SPINK5: variants seen among roughly 807,000 people sequenced by gnomAD.
The protein encoded by SPINK5 is serine protease inhibitor Kazal-type 5.
In SPINK5, 125 loss-of-function variants were observed where a neutral mutation model predicts 151.8. The ratio of observed to expected loss-of-function variants is 0.82; its 90% CI spans 0.71 to 0.96. SPINK5 has a LOEUF of 0.96. Among genes scored for constraint, SPINK5 ranks in the 40% least tolerant of loss-of-function variants. The pLI is 0.00. For missense variants in SPINK5, 1,194 were observed against 1,291.9 expected, an observed-to-expected ratio of 0.92 and a Z score of 1.16; for synonymous variants, 374 against 395.3, an observed-to-expected ratio of 0.95 and a Z score of 0.64.
chr5:148,087,135 G>T (rs1015889885), intron 5 of SPINK5, among the ~76,000 whole-genome samples: 1 of 151,472 alleles, frequency 6.6e-6, no homozygotes, highest in Non-Finnish European at 1.5e-5. Context: ...TGTAATATTA[G>T]AGTAGATAAT....
In SPINK5 at chr5:148,119,995, T is replaced by C; in HGVS notation, c.2314-14T>C. ...AAAAACAGCACTTCCAATATAATCTTCCCATCTTTTCAGGATACATGTGAT... is the reference window on the plus strand; with the variant it reads ...AAAAACAGCACTTCCAATATAATCTCCCCATCTTTTCAGGATACATGTGAT... On this transcript the variant is annotated splice_polypyrimidine_tract_variant and intron_variant, in intron 24 of 32. Transcript: ENST00000256084. The C allele has an allele frequency of 6.2e-7, 1 of 1,613,498 alleles. No individual in the cohort carries two copies. Among genetic ancestry groups the C allele is most frequent in the Non-Finnish European group, 8.5e-7 (1 of 1,179,576 alleles).
chr5:148,136,885 ATG>A (rs1754706887), intron 32 of SPINK5, 96 bp from the exon 33 acceptor site: 82 of 1,462,244 alleles, frequency 5.6e-5, no homozygotes, highest in Non-Finnish European at 7.7e-5. Flanking sequence ...TGCAGGATCT[ATG>A]GATTTCTTTG....
Position 148,131,306 on chromosome 5 carries a change from T to C in SPINK5, c.3012T>C (p.Tyr1004=), listed in dbSNP as rs770022708. The change falls in exon 31 of 33, where the codon TAT becomes TAC. Residue 1004 remains tyrosine (Y), a synonymous_variant. Transcript: ENST00000256084. The part of the protein sequence containing the change: ...KDYRVLPRIG[Y]LCPKDLKPVC... ...ACCGAGTATTGCCCAGGATAGGTTA[T>C]CTTTGTCCAAAGGATTTAAAGCCTG... 1 of 1,613,978 alleles carries C rather than the reference T, an allele frequency of 6.2e-7. No homozygotes were observed. The highest frequency in any genetic ancestry group is 8.5e-7 in the Non-Finnish European group (1 of 1,179,850).
At chr5:148,071,214 T>C (rs1310105073) in intron 3 of SPINK5, among the ~76,000 whole-genome samples, 2 of 152,134 alleles carry the variant, frequency 1.3e-5, no homozygotes, top group East Asian at 3.9e-4. Flanking sequence ...AGCAAGCCAA[T>C]ACTGAGCTTA....
chr5:148,137,021 A>AAAAT lies in SPINK5; in HGVS notation c.*34_*37dup. ...AAGATTGTTGAAAGCCATGAGGGAAAAAATAAACCCCAGTTCTGAATCACC... is the reference window on the plus strand; with the variant it reads ...AAGATTGTTGAAAGCCATGAGGGAAAAAATAAATAAACCCCAGTTCTGAATCACC... On this transcript the variant is annotated 3_prime_UTR_variant, in exon 33 of 33. Coordinates refer to ENST00000256084, the MANE Select transcript of SPINK5 (RefSeq NM_006846.4). 5.0e-6 allele frequency: 8 copies of AAAAT among 1,613,524 alleles called. No homozygotes were observed. The highest frequency in any genetic ancestry group is 6.8e-6 in the Non-Finnish European group (8 of 1,179,544).
At chr5:148,104,567 A>C (rs1380732735) in intron 15 of SPINK5, among the ~76,000 whole-genome samples, 2 of 152,176 alleles carry the variant, frequency 1.3e-5, no homozygotes, top group Admixed American at 6.5e-5. Context: ...TAAATGATCA[A>C]GCTATGAAAG....
chr5:148,108,889 C>A, intron 18 of SPINK5, 52 bp downstream of exon 18: 1 of 1,604,598 alleles, frequency 6.2e-7, no homozygotes, highest in South Asian at 1.1e-5. Context: ...ATCACTCTCC[C>A]TAGGGAGGGC....
At chr5:148,088,918 G>A (rs768765523) in intron 6 of SPINK5, 14 of 470,314 alleles carry the variant, frequency 3.0e-5, no homozygotes, top group East Asian at 1.6e-4. Flanking sequence ...CTTAGCCTGC[G>A]TTAAAACCCC....
chr5:148,111,093 A>C (rs1030407658), intron 18 of SPINK5, among the ~76,000 whole-genome samples: 5 of 152,030 alleles, frequency 3.3e-5, no homozygotes, highest in African/African-American at 1.2e-4. Flanking sequence ...AAGGGTTGGC[A>C]GAGCTGTATT....
intron 2 of SPINK5, among the ~76,000 whole-genome samples, chr5:148,068,349 A>G (rs1183767731): frequency 6.6e-6 from 1 of 152,040 alleles, no homozygotes; most frequent in African/African-American, 2.4e-5. Flanking sequence ...ACTGCCTACC[A>G]TTTTTAAGAG....
At chr5:148,114,323 A>G (rs781195541) in intron 20 of SPINK5, 39 bp from the exon 21 acceptor site, 2 of 1,597,776 alleles carry the variant, frequency 1.3e-6, no homozygotes, top group Non-Finnish European at 1.7e-6. Context: ...CTAATTTCCC[A>G]GAAGATACTC....
chr5:148,107,866 G>A (rs553358563), intron 17 of SPINK5, among the ~76,000 whole-genome samples: 126 of 152,122 alleles, frequency 8.3e-4, no homozygotes, highest in African/African-American at 2.9e-3. Flanking sequence ...CTCCTTTTTA[G>A]GCTCTTAATC....
rs572079845 is a variant in SPINK5, at chr5:148,075,218, G to A, written c.282+2998G>A. 1.5e-3 allele frequency among the ~76,000 whole-genome samples: 233 copies of A among 151,566 alleles called. 1 individual carries two copies. Among genetic ancestry groups the A allele is most frequent in the African/African-American group, 5.3e-3 (220 of 41,436 alleles). ...TCCATTGAATGTAATATTTATCATAGCGGTTTTTACCTCTACACTTCAGCA... is the reference window on the plus strand; with the variant it reads ...TCCATTGAATGTAATATTTATCATAACGGTTTTTACCTCTACACTTCAGCA... On this transcript the variant is annotated intron_variant, in intron 4 of 32. Coordinates refer to ENST00000256084, the MANE Select transcript of SPINK5 (RefSeq NM_006846.4).
chr5:148,090,086 G>C (rs1013233650), intron 7 of SPINK5, among the ~76,000 whole-genome samples: 3 of 151,754 alleles, frequency 2.0e-5, no homozygotes, highest in Non-Finnish European at 4.4e-5. Context: ...AGTGGAACGC[G>C]GATCATTACA....
At chr5:148,088,917 C>A (rs539507147) in intron 6 of SPINK5, 2 of 464,780 alleles carry the variant, frequency 4.3e-6, no homozygotes, top group East Asian at 5.3e-5. Context: ...ACTTAGCCTG[C>A]GTTAAAACCC....
At chr5:148,105,269 A>G (rs568459589) in intron 16 of SPINK5, among the ~76,000 whole-genome samples, 2 of 152,306 alleles carry the variant, frequency 1.3e-5, no homozygotes, top group African/African-American at 4.8e-5. Flanking sequence ...GGCTTTTATT[A>G]GATTTCTGTT....
rs1561680416 is a variant in SPINK5, at chr5:148,086,399, T to C, written c.283-6T>C. The C allele has an allele frequency of 1.2e-6, 2 of 1,610,134 alleles. No individual in the cohort carries two copies. The highest frequency in any genetic ancestry group is 4.5e-5 in the East Asian group (2 of 44,728). ...TTTTGACGTTCCTTGATCATGTCTT[T>C]TGCAGCTGAATTGTGATGATTTTAA... On this transcript the variant is annotated splice_region_variant and splice_polypyrimidine_tract_variant and intron_variant, in intron 4 of 32. Transcript: ENST00000256084.
chr5:148,124,635 A>AT lies in SPINK5; in HGVS notation c.2667-121dup, dbSNP rs891611091. The stretch of plus-strand genomic sequence containing the variant: ...GATTAGCTTATAAAAATATTCTTAG[A>AT]TTTTTTTTTAGGTATAAGAAAACAG... On this transcript the variant is annotated intron_variant, in intron 27 of 32. Coordinates refer to ENST00000256084, the MANE Select transcript of SPINK5 (RefSeq NM_006846.4). 2.1e-3 allele frequency: 1,266 copies of AT among 607,624 alleles called. 12 individuals carry two copies. The highest frequency in any genetic ancestry group is 2.0e-3 in the Admixed American group (53 of 26,336). The allele number at this position is 607,624 out of a possible 1,614,324, so 37.6% of individuals were successfully genotyped here.
At chr5:148,107,287 G>A in intron 17 of SPINK5, 123 bp downstream of exon 17, 2 of 1,335,152 alleles carry the variant, frequency 1.5e-6, no homozygotes, top group South Asian at 2.4e-5. Context: ...TTTACAAGCA[G>A]ATGGATAAGA....
Sources: allele counts gnomAD v4.1 joint callset (sites outside exome capture counted in the v4.1 genomes callset), GRCh38; gene constraint gnomAD v4.1.1; transcripts MANE v1.5; gene names NCBI Gene and HGNC (gene_info 2026-07-23, HGNC 2026-07-21).